Variants in MTUS2 observed in about 807,000 individuals in gnomAD.
MTUS2 encodes the protein microtubule associated scaffold protein 2, also known as microtubule-associated tumor suppressor candidate 2.
MTUS2 carries 40 observed loss-of-function variants against 114.1 expected under a neutral mutation model. The ratio of observed to expected loss-of-function variants is 0.35; its 90% CI spans 0.27 to 0.46. The LOEUF is 0.46. Ranked by LOEUF, MTUS2 falls within the 20% of genes least tolerant of loss-of-function variation. MTUS2 has a pLI of 1.00. For synonymous variants in MTUS2, 688 were observed against 672.0 expected (o/e 1.02, Z -0.37); for missense variants, 1,679 against 1,705.4 (o/e 0.98, Z 0.27).
chr13:28,983,883 C>T (rs558946878), intron 2 of MTUS2, among the ~76,000 whole-genome samples: 3 of 152,228 alleles, frequency 2.0e-5, no homozygotes, highest in Non-Finnish European at 4.4e-5. Flanking sequence ...CACAGCTTAC[C>T]GCAGGAAGGA....
intron 8 of MTUS2, among the ~76,000 whole-genome samples, chr13:29,423,764 T>C (rs900442046): frequency 3.3e-5 from 5 of 152,198 alleles, no homozygotes; most frequent in African/African-American, 1.2e-4. Flanking sequence ...ACAAACTATA[T>C]TGCAGGAAAT....
chr13:28,827,877 A>G (rs750173259), intron 1 of MTUS2, among the ~76,000 whole-genome samples: 27 of 152,244 alleles, frequency 1.8e-4, no homozygotes, highest in Non-Finnish European at 3.2e-4. Flanking sequence ...AAATGGAGGC[A>G]GGGTGAGATC....
chr13:29,330,409 T>G (rs1321936381), intron 7 of MTUS2, among the ~76,000 whole-genome samples: 4 of 152,248 alleles, frequency 2.6e-5, no homozygotes, highest in South Asian at 2.1e-4. Context: ...GATGCTAGTT[T>G]CTTTTGCTGT....
At chr13:28,825,504 G>T (rs2055047650) in intron 1 of MTUS2, among the ~76,000 whole-genome samples, 1 of 152,108 alleles carries the variant, frequency 6.6e-6, no homozygotes, top group Non-Finnish European at 1.5e-5. Flanking sequence ...TTTGAGGAGG[G>T]GAAATTACTC....
intron 1 of MTUS2, among the ~76,000 whole-genome samples, chr13:28,833,905 T>C (rs1340499604): frequency 6.6e-6 from 1 of 152,070 alleles, no homozygotes; most frequent in African/African-American, 2.4e-5. Context: ...AATATGAAAA[T>C]GAAAATTTCC....
intron 5 of MTUS2, among the ~76,000 whole-genome samples, chr13:29,125,563 A>G (rs754014296): frequency 1.3e-5 from 2 of 152,252 alleles, no homozygotes; most frequent in African/African-American, 2.4e-5. Context: ...CTGTTTCTAC[A>G]TGAACGGTTT....
At chr13:28,904,558 G>T (rs561516920) in intron 2 of MTUS2, among the ~76,000 whole-genome samples, 12 of 152,246 alleles carry the variant, frequency 7.9e-5, no homozygotes, top group African/African-American at 2.9e-4. Flanking sequence ...AAGATCAGAT[G>T]GTTATAGATA....
At chr13:28,889,879 G>T (rs1056546096) in intron 2 of MTUS2, among the ~76,000 whole-genome samples, 1 of 152,144 alleles carries the variant, frequency 6.6e-6, no homozygotes, top group Non-Finnish European at 1.5e-5. Flanking sequence ...GGGCAGATCT[G>T]TTCCACTGTA....
intron 2 of MTUS2, among the ~76,000 whole-genome samples, chr13:28,884,199 A>G (rs1333957315): frequency 3.9e-5 from 6 of 152,216 alleles, no homozygotes; most frequent in Admixed American, 1.3e-4. Flanking sequence ...TGGTATATAC[A>G]TATGATGGAA....
rs184959926 is a variant in MTUS2 at position 29,314,168 on chromosome 13, C to T, written c.2807-10445C>T. 3.3e-3 allele frequency among the ~76,000 whole-genome samples: 507 copies of T among 152,280 alleles called. 1 individual carries two copies. Among genetic ancestry groups the T allele is most frequent in the African/African-American group, 0.011 (470 of 41,566 alleles). ...GATGTGACTCAAATAACAGCCATGC[C>T]ACAGCCCTAGAAATGACCAGTCTAG... On this transcript the variant is annotated intron_variant, in intron 6 of 15. Coordinates refer to ENST00000612955, the MANE Select transcript of MTUS2 (RefSeq NM_001033602.4).
At chr13:29,466,155 C>G (rs1879868391) in intron 9 of MTUS2, among the ~76,000 whole-genome samples, 1 of 152,236 alleles carries the variant, frequency 6.6e-6, no homozygotes, top group Admixed American at 6.5e-5. Flanking sequence ...TTTGAGGACT[C>G]TGCAGGAAGG....
intron 5 of MTUS2, among the ~76,000 whole-genome samples, chr13:29,223,197 TTAC>T (rs1244570341): frequency 6.6e-6 from 1 of 152,116 alleles, no homozygotes; most frequent in Non-Finnish European, 1.5e-5. Context: ...GAGTGAGAAC[TTAC>T]GGTGCTTTCT....
At chr13:28,857,021 T>G (rs1261146703) in intron 2 of MTUS2, among the ~76,000 whole-genome samples, 1 of 152,128 alleles carries the variant, frequency 6.6e-6, no homozygotes, top group African/African-American at 2.4e-5. Context: ...CCCCAGACAC[T>G]CTAAGGAAGT....
At chr13:29,477,622 T>C (rs1052022879) in intron 9 of MTUS2, among the ~76,000 whole-genome samples, 1 of 152,150 alleles carries the variant, frequency 6.6e-6, no homozygotes, top group African/African-American at 2.4e-5. Context: ...TACCACAAAG[T>C]CTCTGACCAA....
rs77706833 is a variant in MTUS2, at chr13:28,944,476, T to C, written c.-242-79981T>C. Among the ~76,000 whole-genome samples the C allele has an allele frequency of 8.7e-3, 1,319 of 152,346 alleles. 18 individuals are homozygous for C. Among genetic ancestry groups the C allele is most frequent in the African/African-American group, 0.029 (1,215 of 41,580 alleles). On this transcript the variant is annotated intron_variant, in intron 2 of 15. Coordinates refer to ENST00000612955, the MANE Select transcript of MTUS2 (RefSeq NM_001033602.4). ...ATAGATATTACAGAGTGCTAGCTAG[T>C]AAGTCCCAACCATTTGTTCAATGTT...
intron 5 of MTUS2, among the ~76,000 whole-genome samples, chr13:29,255,122 A>G (rs1227122942): frequency 6.6e-6 from 1 of 152,176 alleles, no homozygotes; most frequent in Non-Finnish European, 1.5e-5. Context: ...TCCCCGGTGA[A>G]CATTTTCTGA....
chr13:28,819,998 C>A (rs1490470338), upstream of MTUS2, among the ~76,000 whole-genome samples: 4 of 147,148 alleles, frequency 2.7e-5, no homozygotes, highest in Non-Finnish European at 6.1e-5. Flanking sequence ...GGGGTGCGCG[C>A]ATCAGCTGCC....
At chr13:29,360,688 A>AACC (rs1870153205) in intron 8 of MTUS2, among the ~76,000 whole-genome samples, 26 of 87,156 alleles carry the variant, frequency 3.0e-4, no homozygotes, top group Non-Finnish European at 5.2e-4. Flanking sequence ...GTAGCCGAAC[A>AACC]CCCCCCCCCC....
chr13:29,405,834 G>A (rs1426197962), intron 8 of MTUS2, among the ~76,000 whole-genome samples: 2 of 148,816 alleles, frequency 1.3e-5, no homozygotes, highest in South Asian at 2.1e-4. Flanking sequence ...TCCGCCTCCC[G>A]GGTTTAAGCG....
Sources: gnomAD v4.1 joint callset for allele counts (sites outside exome capture counted in the v4.1 genomes callset) on GRCh38, gnomAD v4.1.1 for gene constraint, MANE v1.5 for transcripts, NCBI Gene and HGNC (gene_info 2026-07-23, HGNC 2026-07-21) for gene names.